Variants in GPC5 observed in about 807,000 individuals in gnomAD.
GPC5 encodes the protein glypican-5.
A neutral mutation model predicts 53.9 loss-of-function variants in GPC5; 47 were observed. The observed-to-expected ratio is 0.87, with a 90% confidence interval of 0.69 to 1.11. The LOEUF (loss-of-function observed/expected upper bound fraction) is 1.11. Ranked by LOEUF, GPC5 falls within the 50% of genes most tolerant of loss-of-function variation. The probability of loss-of-function intolerance (pLI) is 0.00; values close to 1 mark genes in which losing one functional copy is unlikely to be tolerated. For synonymous variants in GPC5, 286 were observed against 263.3 expected (o/e 1.09, Z -0.84); for missense variants, 748 against 713.1 (o/e 1.05, Z -0.56).
intron 7 of GPC5, among the ~76,000 whole-genome samples, chr13:92,717,894 GAACTC>G (rs1023254442): frequency 1.3e-5 from 2 of 151,948 alleles, no homozygotes; most frequent in African/African-American, 4.8e-5. Context: ...AAAATATAAG[GAACTC>G]AACTCAATAG....
intron 1 of GPC5, among the ~76,000 whole-genome samples, chr13:91,429,868 A>T (rs562091182): frequency 6.6e-6 from 1 of 152,176 alleles, no homozygotes; most frequent in East Asian, 1.9e-4. Flanking sequence ...TCCGTAGACC[A>T]CTTTTAAAAT....
intron 7 of GPC5, among the ~76,000 whole-genome samples, chr13:92,457,097 C>T (rs1301188320): frequency 1.3e-5 from 2 of 151,970 alleles, no homozygotes; most frequent in African/African-American, 2.4e-5. Context: ...TGAGAACATG[C>T]GGTATTTGGT....
chr13:91,671,758 G>C (rs2035247969), intron 2 of GPC5, among the ~76,000 whole-genome samples: 2 of 96,364 alleles, frequency 2.1e-5, no homozygotes, highest in Non-Finnish European at 3.8e-5. Context: ...AGAAGACCCT[G>C]TATAGCCAAG....
At chr13:92,390,413 C>A (rs541444128) in intron 7 of GPC5, among the ~76,000 whole-genome samples, 2 of 152,154 alleles carry the variant, frequency 1.3e-5, no homozygotes, top group South Asian at 4.1e-4. Context: ...AAAACATAAG[C>A]TGATTTCTAC....
At chr13:92,568,722 G>A (rs187297361) in intron 7 of GPC5, among the ~76,000 whole-genome samples, 23 of 152,124 alleles carry the variant, frequency 1.5e-4, no homozygotes, top group Admixed American at 1.2e-3. Context: ...ACATTAGTTC[G>A]TTTAGTCCTC....
chr13:92,385,652 C>CAT (rs200279898), intron 7 of GPC5, among the ~76,000 whole-genome samples: 5,475 of 141,684 alleles, frequency 0.039, 179 homozygotes, highest in East Asian at 0.14. Context: ...CCTATATACA[C>CAT]ATATATATAT....
intron 7 of GPC5, among the ~76,000 whole-genome samples, chr13:92,775,619 A>G (rs1344414995): frequency 2.6e-5 from 4 of 151,980 alleles, no homozygotes; most frequent in Non-Finnish European, 4.4e-5. Context: ...CAATCACAAT[A>G]CCTCCTTCCT....
At chr13:91,722,830 G>A (rs761676668) in intron 3 of GPC5, among the ~76,000 whole-genome samples, 1 of 152,178 alleles carries the variant, frequency 6.6e-6, no homozygotes, top group African/African-American at 2.4e-5. Context: ...AGCAGAGATA[G>A]TATGTGTTTC....
intron 7 of GPC5, among the ~76,000 whole-genome samples, chr13:92,459,901 T>A (rs2139408552): frequency 6.6e-6 from 1 of 152,308 alleles, no homozygotes; most frequent in African/African-American, 2.4e-5. Flanking sequence ...AGGCAGAAAA[T>A]TTATTTTTTT....
At chr13:91,639,439 A>T (rs1386556981) in intron 2 of GPC5, among the ~76,000 whole-genome samples, 1 of 152,228 alleles carries the variant, frequency 6.6e-6, no homozygotes, top group African/African-American at 2.4e-5. Flanking sequence ...ATTTGGTATG[A>T]TTTGATATGT....
At chr13:92,254,059 T>G (rs2042710225) in intron 7 of GPC5, among the ~76,000 whole-genome samples, 1 of 151,994 alleles carries the variant, frequency 6.6e-6, no homozygotes, top group Non-Finnish European at 1.5e-5. Flanking sequence ...AAGTTCTGTA[T>G]AGCTAAGCTG....
intron 7 of GPC5, among the ~76,000 whole-genome samples, chr13:92,845,354 A>G (rs963511641): frequency 6.6e-6 from 1 of 152,118 alleles, no homozygotes; most frequent in Non-Finnish European, 1.5e-5. Flanking sequence ...AGGAAGGCCC[A>G]TGGTGTTATC....
rs574591200 is a variant in GPC5, at chr13:91,439,509, G to C, written c.164-9252G>C. Among the ~76,000 whole-genome samples the C allele has an allele frequency of 2.8e-4, 43 of 152,258 alleles. 1 individual carries two copies. The highest frequency in any genetic ancestry group is 5.0e-4 in the Non-Finnish European group (34 of 68,024). On this transcript the variant is annotated intron_variant, in intron 1 of 7. Coordinates refer to ENST00000377067, the MANE Select transcript of GPC5 (RefSeq NM_004466.6). ...TTTTCAATCTGCATCTTTTTCCTGA[G>C]CTCCAAACTTGCATATTCAAATATT...
At chr13:92,095,063 A>G (rs1015558844) in intron 6 of GPC5, among the ~76,000 whole-genome samples, 10 of 152,166 alleles carry the variant, frequency 6.6e-5, no homozygotes, top group African/African-American at 2.4e-4. Context: ...CTTAAAAATG[A>G]GATTTTTCTG....
chr13:91,872,495 A>T (rs1230916725), intron 5 of GPC5, among the ~76,000 whole-genome samples: 1 of 152,194 alleles, frequency 6.6e-6, no homozygotes, highest in African/African-American at 2.4e-5. Context: ...TGTCAGAAAG[A>T]TGGTTATAGA....
intron 5 of GPC5, among the ~76,000 whole-genome samples, chr13:91,866,223 A>G (rs867008589): frequency 1.1e-4 from 16 of 152,208 alleles, no homozygotes; most frequent in African/African-American, 3.4e-4. Context: ...AAAGGTATAA[A>G]TGTCTCAAAT....
chr13:92,240,372 C>A (rs1421922586), intron 7 of GPC5: 1 of 151,906 alleles, frequency 6.6e-6, no homozygotes, highest in Non-Finnish European at 1.5e-5. Flanking sequence ...TGTATATTGA[C>A]TATGAAGCCT....
At chr13:92,117,647 T>C (rs576762567) in intron 6 of GPC5, among the ~76,000 whole-genome samples, 1 of 152,298 alleles carries the variant, frequency 6.6e-6, no homozygotes, top group Admixed American at 6.5e-5. Flanking sequence ...ATTAATGTTA[T>C]AATTTTTATC....
Position 92,577,413 on chromosome 13 carries a change from T to C in GPC5, c.1562-288869T>C, listed in dbSNP as rs1332174781. ...CGACATGAATGAATGTAAGTATGTA[T>C]GTATATGTGTGTGTGTGTGTGTGTG... is the stretch of plus-strand genomic sequence containing the variant. On this transcript the variant is annotated intron_variant, in intron 7 of 7. Coordinates refer to ENST00000377067, the MANE Select transcript of GPC5 (RefSeq NM_004466.6). Among the ~76,000 whole-genome samples, 6 of 139,964 alleles carry C rather than the reference T, an allele frequency of 4.3e-5. No homozygotes were observed. In the South Asian group the frequency reaches 9.1e-4, roughly 21 times the overall value. The allele number at this position is 139,964 out of a possible 152,430, so 91.8% of individuals were successfully genotyped here. A position where few individuals can be genotyped will look rare whatever the true frequency, so the allele number is the denominator to read the frequency against.
Sources: gnomAD v4.1 joint callset for allele counts (sites outside exome capture counted in the v4.1 genomes callset) on GRCh38, gnomAD v4.1.1 for gene constraint, MANE v1.5 for transcripts, NCBI Gene and HGNC (gene_info 2026-07-23, HGNC 2026-07-21) for gene names.